TFAP2D: variants seen among roughly 807,000 people sequenced by gnomAD.
TFAP2D encodes the protein transcription factor AP-2 delta, also known as transcription factor AP-2-delta.
In TFAP2D, 9 loss-of-function variants were observed where a neutral mutation model predicts 43.6. The observed-to-expected ratio is 0.21, with a 90% CI of 0.12 to 0.36. The LOEUF is 0.36. Among genes scored for constraint, TFAP2D ranks in the 10% least tolerant of loss-of-function variants. The probability of loss-of-function intolerance (pLI) is 1.00; values close to 1 mark genes in which losing one functional copy is unlikely to be tolerated. For missense variants in TFAP2D, 513 were observed against 561.4 expected (o/e 0.91, Z 0.87); for synonymous variants, 256 against 224.9 (o/e 1.14, Z -1.24).
At chr6:50,744,766 A>G (rs558899209) in intron 5 of TFAP2D, among the ~76,000 whole-genome samples, 1 of 152,208 alleles carries the variant, frequency 6.6e-6, no homozygotes, top group East Asian at 1.9e-4. Context: ...CCATGGGGCC[A>G]TTTTGCTTGG....
chr6:50,747,648 T>C (rs1044846237), intron 6 of TFAP2D, among the ~76,000 whole-genome samples: 1 of 152,120 alleles, frequency 6.6e-6, no homozygotes, highest in Non-Finnish European at 1.5e-5. Flanking sequence ...ATTCCCATCA[T>C]TCTGTTGAAG....
At chr6:50,737,224 G>T (rs1293526655) in intron 5 of TFAP2D, among the ~76,000 whole-genome samples, 1 of 152,058 alleles carries the variant, frequency 6.6e-6, no homozygotes, top group Non-Finnish European at 1.5e-5. Context: ...CTTCCGCCTT[G>T]GCCTCCCAAA....
At chr6:50,754,815 G>A (rs1769243379) in intron 7 of TFAP2D, among the ~76,000 whole-genome samples, 1 of 151,554 alleles carries the variant, frequency 6.6e-6, no homozygotes, top group Non-Finnish European at 1.5e-5. Context: ...TTTTTGACCA[G>A]GTTATTTTTT....
Position 50,714,138 on chromosome 6 carries a change from T to TGTGGCGGCGGCGGCG in TFAP2D, c.39+55_39+69dup, listed in dbSNP as rs757913747. 6 of 1,571,122 alleles carry TGTGGCGGCGGCGGCG rather than the reference T, an allele frequency of 3.8e-6. No individual in the cohort carries two copies. In the East Asian group the frequency reaches 6.8e-5, roughly 18 times the overall value. On this transcript the variant is annotated intron_variant, in intron 1 of 7. Coordinates refer to ENST00000008391, the MANE Select transcript of TFAP2D (RefSeq NM_172238.4). Reference sequence around the variant, plus strand: ...TTTTTTTTTTTTGAGCGCGCGTGTGTGTGGCGGCGGCGGCGGTGGCGGCGG... The same window carrying TGTGGCGGCGGCGGCG: ...TTTTTTTTTTTTGAGCGCGCGTGTGTGTGGCGGCGGCGGCGGTGGCGGCGGCGGCGGTGGCGGCGG...
At chr6:50,772,552 A>T in intron 7 of TFAP2D, 93 bp from the exon 8 acceptor site, 1 of 1,086,314 alleles carries the variant, frequency 9.2e-7, no homozygotes, top group Non-Finnish European at 1.4e-6. Flanking sequence ...ATACCTGTTT[A>T]ATTGAATGTT....
At chr6:50,767,060 T>A (rs951738999) in intron 7 of TFAP2D, among the ~76,000 whole-genome samples, 1 of 152,208 alleles carries the variant, frequency 6.6e-6, no homozygotes, top group Non-Finnish European at 1.5e-5. Flanking sequence ...TTTATTGAAT[T>A]CATTTATTAT....
At chr6:50,724,077 A>G (rs1768770439) in intron 3 of TFAP2D, among the ~76,000 whole-genome samples, 1 of 151,946 alleles carries the variant, frequency 6.6e-6, no homozygotes, top group Non-Finnish European at 1.5e-5. Context: ...TTTGATTACA[A>G]TTAATATCTG....
At chr6:50,724,030 G>A (rs1477553620) in intron 3 of TFAP2D, among the ~76,000 whole-genome samples, 1 of 152,036 alleles carries the variant, frequency 6.6e-6, no homozygotes. Flanking sequence ...ATCATCAAAG[G>A]CCTACTTGAT....
intron 3 of TFAP2D, among the ~76,000 whole-genome samples, chr6:50,722,303 C>T (rs1159607606): frequency 6.6e-6 from 1 of 152,154 alleles, no homozygotes; most frequent in African/African-American, 2.4e-5. Flanking sequence ...TAGCTTCTTT[C>T]GCCTCGGGCG....
At chr6:50,753,852 T>C (rs1769230363) in intron 7 of TFAP2D, among the ~76,000 whole-genome samples, 1 of 151,946 alleles carries the variant, frequency 6.6e-6, no homozygotes, top group African/African-American at 2.4e-5. Context: ...TTTTCTTTAA[T>C]TGTAGTCAAA....
At chr6:50,721,171 T>TG (rs1768717220) in intron 3 of TFAP2D, among the ~76,000 whole-genome samples, 3 of 152,232 alleles carry the variant, frequency 2.0e-5, no homozygotes, top group Non-Finnish European at 4.4e-5. Flanking sequence ...ATTCGGTCCC[T>TG]ATTCGTTTCA....
intron 3 of TFAP2D, among the ~76,000 whole-genome samples, chr6:50,724,497 C>A (rs1295980648): frequency 1.3e-5 from 2 of 152,160 alleles, no homozygotes; most frequent in Admixed American, 6.5e-5. Flanking sequence ...ACCGGCCCAG[C>A]GCCCGGAAGC....
intron 3 of TFAP2D, among the ~76,000 whole-genome samples, chr6:50,725,140 T>G (rs559075242): frequency 1.3e-4 from 20 of 152,300 alleles, no homozygotes; most frequent in Non-Finnish European, 2.2e-4. Context: ...CACCCCATGC[T>G]TCTTCAAACC....
Position 50,714,043 on chromosome 6 carries a change from G to A in TFAP2D, c.-13G>A, listed in dbSNP as rs775129803. On this transcript the variant is annotated 5_prime_UTR_variant, in exon 1 of 8. Coordinates refer to ENST00000008391, the MANE Select transcript of TFAP2D (RefSeq NM_172238.4). ...GGGGGAAATTGCATCGTAAGCTTTCGGAGAAACCCAACATGTCAACTACCT... is the reference window on the plus strand; with the variant it reads ...GGGGGAAATTGCATCGTAAGCTTTCAGAGAAACCCAACATGTCAACTACCT... 1.9e-6 allele frequency: 3 copies of A among 1,612,000 alleles called. No individual in the cohort carries two copies. The highest frequency in any genetic ancestry group is 1.7e-5 in the Admixed American group (1 of 59,754).
At chr6:50,714,626 C>T (rs1768583405) in intron 1 of TFAP2D, among the ~76,000 whole-genome samples, 1 of 152,102 alleles carries the variant, frequency 6.6e-6, no homozygotes, top group Non-Finnish European at 1.5e-5. Flanking sequence ...GCAGCCCGGG[C>T]CGAACATCTC....
At chr6:50,726,039 A>G (rs1768803166) in intron 3 of TFAP2D, among the ~76,000 whole-genome samples, 1 of 152,228 alleles carries the variant, frequency 6.6e-6, no homozygotes, top group Non-Finnish European at 1.5e-5. Context: ...GCATACTCTT[A>G]ATATGCAGCT....
At chr6:50,757,256 T>C (rs1769277969) in intron 7 of TFAP2D, among the ~76,000 whole-genome samples, 1 of 146,474 alleles carries the variant, frequency 6.8e-6, no homozygotes, top group South Asian at 2.1e-4. Flanking sequence ...TATATATAAT[T>C]ATTCTATATA....
intron 6 of TFAP2D, among the ~76,000 whole-genome samples, chr6:50,745,701 G>C (rs1278659606): frequency 6.6e-6 from 1 of 152,100 alleles, no homozygotes; most frequent in Non-Finnish European, 1.5e-5. Flanking sequence ...AGACCTCTGG[G>C]ACCAAGGATC....
chr6:50,771,293 A>G (rs1373734128), intron 7 of TFAP2D, among the ~76,000 whole-genome samples: 1 of 152,228 alleles, frequency 6.6e-6, no homozygotes, highest in Non-Finnish European at 1.5e-5. Flanking sequence ...GCGATTATCT[A>G]CATAGGGCAT....
Sources: allele counts gnomAD v4.1 joint callset (sites outside exome capture counted in the v4.1 genomes callset), GRCh38; gene constraint gnomAD v4.1.1; transcripts MANE v1.5; gene names NCBI Gene and HGNC (gene_info 2026-07-23, HGNC 2026-07-21).